LRRIQ1: variants seen among roughly 807,000 people sequenced by gnomAD.
LRRIQ1 encodes the protein leucine rich repeats and IQ motif containing 1, also known as leucine-rich repeat- and IQ domain-containing protein 1.
Under a neutral mutation model 211.9 loss-of-function variants are expected in LRRIQ1, and 210 were observed. The ratio of observed to expected loss-of-function variants is 0.99; its 90% CI spans 0.89 to 1.11. LRRIQ1 has a LOEUF of 1.11. Ranked by LOEUF, LRRIQ1 falls within the 50% of genes most tolerant of loss-of-function variation. LRRIQ1 has a pLI of 0.00. For synonymous variants in LRRIQ1, 699 were observed against 650.1 expected, an observed-to-expected ratio of 1.08 and a Z score of -1.14; for missense variants, 2,136 against 1,939.5, an observed-to-expected ratio of 1.10 and a Z score of -1.90.
chr12:85,113,160 T>C (rs1431640266), intron 15 of LRRIQ1, among the ~76,000 whole-genome samples: 1 of 152,126 alleles, frequency 6.6e-6, no homozygotes, highest in East Asian at 1.9e-4. Context: ...AAGAACAGAA[T>C]TGCAATTTTA....
chr12:85,047,372 G>T lies in LRRIQ1; in HGVS notation c.580G>T (p.Asp194Tyr), dbSNP rs569479870. Residue 194 changes from aspartate to tyrosine, a missense_variant, in exon 6 of 27, where the codon GAT becomes TAT. Coordinates refer to ENST00000393217, the MANE Select transcript of LRRIQ1 (RefSeq NM_001079910.2). ...KEKQTLKAQR[D>Y]REEKQFQEEE... ...GAAACAAACTCTCAAAGCTCAGAGG[G>T]ATAGAGAAGAAAAACAATTTCAAGA... The T allele has an allele frequency of 1.1e-4, 169 of 1,593,602 alleles. 1 individual carries two copies. In the South Asian group the frequency reaches 1.8e-3, roughly 17 times the overall value.
At chr12:85,188,433 G>C (rs1423392943) in intron 24 of LRRIQ1, among the ~76,000 whole-genome samples, 4 of 152,120 alleles carry the variant, frequency 2.6e-5, no homozygotes, top group Non-Finnish European at 5.9e-5. Flanking sequence ...ACTCAGAGTT[G>C]CTGCCAACCA....
intron 23 of LRRIQ1, among the ~76,000 whole-genome samples, chr12:85,159,999 A>G (rs1169599666): frequency 6.6e-6 from 1 of 152,054 alleles, no homozygotes; most frequent in Non-Finnish European, 1.5e-5. Flanking sequence ...AATTATTACT[A>G]GAAGACTAAT....
downstream of LRRIQ1, among the ~76,000 whole-genome samples, chr12:85,249,670 G>A (rs1438831958): frequency 6.6e-6 from 1 of 151,858 alleles, no homozygotes; most frequent in African/African-American, 2.4e-5. Flanking sequence ...AGCCATTGTT[G>A]CTACTCTCCT....
chr12:85,099,243 G>T (rs187137525), intron 13 of LRRIQ1, among the ~76,000 whole-genome samples: 54 of 151,834 alleles, frequency 3.6e-4, no homozygotes, highest in African/African-American at 1.3e-3. Flanking sequence ...TCTTCTCAAA[G>T]ATGCACTTGT....
At chr12:85,138,351 A>T (rs1889282411) in intron 19 of LRRIQ1, among the ~76,000 whole-genome samples, 1 of 151,544 alleles carries the variant, frequency 6.6e-6, no homozygotes, top group African/African-American at 2.4e-5. Context: ...ATTTTTCCTT[A>T]GTCTCCTTTA....
At chr12:85,135,029 C>G (rs1457499579) in intron 18 of LRRIQ1, among the ~76,000 whole-genome samples, 1 of 151,984 alleles carries the variant, frequency 6.6e-6, no homozygotes, top group African/African-American at 2.4e-5. Flanking sequence ...CACCAAATAT[C>G]ATATCAGTAT....
chr12:85,056,123 G>T lies in LRRIQ1; in HGVS notation c.1330G>T (p.Glu444Ter). ...QEDVLLWLVE[E>*]SNMKENVDRQ... ...AGATGTTCTCCTTTGGCTAGTTGAG[G>T]AATCAAATATGAAAGAAAATGTAGA... The change falls in exon 8 of 27, where the codon GAA becomes TAA. Residue 444 changes from glutamate (E) to a stop codon, truncating the protein, a stop_gained. Coordinates refer to ENST00000393217, the MANE Select transcript of LRRIQ1 (RefSeq NM_001079910.2). LOFTEE classifies it high-confidence loss of function. 1 of 1,598,588 alleles carries T rather than the reference G, an allele frequency of 6.3e-7. No homozygotes were observed. Among genetic ancestry groups the T allele is most frequent in the South Asian group, 1.1e-5 (1 of 86,996 alleles).
chr12:85,055,693 T>C lies in LRRIQ1; in HGVS notation c.900T>C (p.Tyr300=), dbSNP rs1280895616. The change falls in exon 8 of 27, where the codon TAT becomes TAC. Residue 300 remains tyrosine, a synonymous_variant. Transcript: ENST00000393217. Reference sequence around the variant, plus strand: ...CTAAATATAAAGCATTTGTTGCCTATCAAAAATATGGCCCAATTATTAAAG... The same window carrying C: ...CTAAATATAAAGCATTTGTTGCCTACCAAAAATATGGCCCAATTATTAAAG... ...IQAKYKAFVA[Y]QKYGPIIKEQ... is the part of the protein sequence containing the mutation. The C allele has an allele frequency of 6.2e-7, 1 of 1,608,148 alleles. No individual in the cohort carries two copies. The highest frequency in any genetic ancestry group is 8.5e-7 in the Non-Finnish European group (1 of 1,178,158).
intron 26 of LRRIQ1, among the ~76,000 whole-genome samples, chr12:85,241,766 A>G (rs957285725): frequency 3.3e-5 from 5 of 151,976 alleles, no homozygotes; most frequent in Non-Finnish European, 5.9e-5. Context: ...ATTTGTTTTT[A>G]TGTGTGCTGT....
rs532105395 is a variant in LRRIQ1, at chr12:85,233,526, G to C, written c.5016+770G>C. Among the ~76,000 whole-genome samples, 13 of 152,086 alleles carry C rather than the reference G, an allele frequency of 8.5e-5. No individual in the cohort carries two copies. In the East Asian group the frequency reaches 2.3e-3, roughly 27 times the overall value. On this transcript the variant is annotated intron_variant, in intron 26 of 26. Coordinates refer to ENST00000393217, the MANE Select transcript of LRRIQ1 (RefSeq NM_001079910.2). ...TTCACCAAAAACTGATTATAATTTA[G>C]CTTGGCTTATAGAATTTTATATTAA...
rs766204089 is a variant in LRRIQ1, at chr12:85,055,930, A to G, written c.1137A>G (p.Ile379Met). The change falls in exon 8 of 27, where the codon ATA becomes ATG. Residue 379 changes from isoleucine (I) to methionine (M), a missense_variant. Coordinates refer to ENST00000393217, the MANE Select transcript of LRRIQ1 (RefSeq NM_001079910.2). ...NIVKQEREQLISKEKIILRED... is the reference protein window; with the variant it reads ...NIVKQEREQLMSKEKIILRED... Reference sequence around the variant, plus strand: ...TGAAACAGGAAAGAGAGCAACTAATAAGCAAGGAAAAAATAATATTAAGAG... The same window carrying G: ...TGAAACAGGAAAGAGAGCAACTAATGAGCAAGGAAAAAATAATATTAAGAG... The G allele has an allele frequency of 3.7e-6, 6 of 1,605,776 alleles. No individual in the cohort carries two copies. In the Admixed American group the frequency reaches 1.0e-4, roughly 27 times the overall value.
rs113461389 is a variant in LRRIQ1 at position 85,039,028 on chromosome 12, C to T, written c.132+720C>T. ...AGAAAATTTTTTAAAGATTTGAGAA[C>T]TTTGTTATTTTATTAGGATTGCACT... On this transcript the variant is annotated intron_variant, in intron 2 of 26. Transcript: ENST00000393217. 3.3e-5 allele frequency among the ~76,000 whole-genome samples: 5 copies of T among 151,164 alleles called. 1 individual carries two copies. Among genetic ancestry groups the T allele is most frequent in the African/African-American group, 1.2e-4 (5 of 41,450 alleles).
At chr12:85,160,582 A>G (rs750076327) in intron 23 of LRRIQ1, 31 bp from the exon 24 acceptor site, 2 of 1,365,068 alleles carry the variant, frequency 1.5e-6, no homozygotes, top group Non-Finnish European at 2.1e-6. Context: ...CCAAAGATGA[A>G]CTCTGCTCCT....
intron 11 of LRRIQ1, among the ~76,000 whole-genome samples, chr12:85,083,585 A>G (rs891695362): frequency 6.6e-6 from 1 of 151,928 alleles, no homozygotes; most frequent in Non-Finnish European, 1.5e-5. Flanking sequence ...GATTACAGGC[A>G]TGTGTCACCA....
chr12:85,200,362 T>C (rs1893228593), intron 24 of LRRIQ1, among the ~76,000 whole-genome samples: 4 of 152,132 alleles, frequency 2.6e-5, no homozygotes, highest in Admixed American at 2.6e-4. Flanking sequence ...ATCAAGGAGC[T>C]TTTGGGCGAG....
chr12:85,260,319 A>T (rs2137333367), intron 1 of LRRIQ1, among the ~76,000 whole-genome samples: 1 of 152,118 alleles, frequency 6.6e-6, no homozygotes, highest in Admixed American at 6.6e-5. Flanking sequence ...TGTATCAAAA[A>T]ATAAATAAAA....
intron 10 of LRRIQ1, among the ~76,000 whole-genome samples, chr12:85,069,194 G>A (rs867594072): frequency 4.5e-4 from 67 of 148,800 alleles, no homozygotes; most frequent in Middle Eastern, 3.5e-3. Flanking sequence ...TGCGGTGTTT[G>A]GTTTTTCGTC....
rs577324928 is a variant in LRRIQ1 at position 85,251,036 on chromosome 12, A to T, written c.121+6127A>T. Among the ~76,000 whole-genome samples, 2 of 134,692 alleles carry T rather than the reference A, an allele frequency of 1.5e-5. 1 individual carries two copies. Among genetic ancestry groups the T allele is most frequent in the South Asian group, 4.3e-4 (2 of 4,600 alleles). The allele number at this position is 134,692 out of a possible 152,430, so 88.4% of individuals were successfully genotyped here. A position where few individuals can be genotyped will look rare whatever the true frequency, so the allele number is the denominator to read the frequency against. ...TACCTTAAATTACTATTTTCTGAAT[A>T]TAATAATTTTCATATATGTATGAAT... On this transcript the variant is annotated intron_variant, in intron 1 of 1. Coordinates refer to the LRRIQ1 transcript ENST00000602731.
Sources: gnomAD v4.1 joint callset for allele counts (sites outside exome capture counted in the v4.1 genomes callset) on GRCh38, gnomAD v4.1.1 for gene constraint, MANE v1.5 for transcripts, NCBI Gene and HGNC (gene_info 2026-07-23, HGNC 2026-07-21) for gene names.